ITGA9: variants seen among roughly 807,000 people sequenced by gnomAD.
The protein encoded by ITGA9 is integrin alpha-9.
A neutral mutation model predicts 127.8 loss-of-function variants in ITGA9; 56 were observed. The ratio of observed to expected loss-of-function variants is 0.44; its 90% confidence interval spans 0.35 to 0.55. The LOEUF (loss-of-function observed/expected upper bound fraction) is 0.55, where lower values mean the gene tolerates loss of function less well. Among genes scored for constraint, ITGA9 ranks in the 20% least tolerant of loss-of-function variants. The pLI is 0.00. For synonymous variants in ITGA9, 508 were observed against 514.5 expected, an observed-to-expected ratio of 0.99 and a Z score of 0.17; for missense variants, 1,196 against 1,347.1, an observed-to-expected ratio of 0.89 and a Z score of 1.76.
rs1380954789 is a variant in ITGA9 at position 37,629,542 on chromosome 3, A to C, written c.1839+206A>C. 4.6e-6 allele frequency: 3 copies of C among 656,818 alleles called. No homozygotes were observed. In the African/African-American group the frequency reaches 5.5e-5, roughly 12 times the overall value. The allele number at this position is 656,818 out of a possible 1,614,324, so 40.7% of individuals were successfully genotyped here. On this transcript the variant is annotated intron_variant, in intron 16 of 27. Transcript: ENST00000264741. The surrounding 1 kb of genome is among the most constrained non-coding windows in gnomAD (Gnocchi z 4.5). ...TTACTTGTGACTACTGTGGGACTTA[A>C]ACACTTTCAGACAATTCTCAGGCTG...
At chr3:37,515,938 C>T (rs541735661) in intron 9 of ITGA9, among the ~76,000 whole-genome samples, 1 of 152,226 alleles carries the variant, frequency 6.6e-6, no homozygotes, top group African/African-American at 2.4e-5. Flanking sequence ...GTACCTGTTG[C>T]AGGAACTCTT....
At chr3:37,698,179 A>T (rs1441782359) in intron 18 of ITGA9, among the ~76,000 whole-genome samples, 1 of 151,868 alleles carries the variant, frequency 6.6e-6, no homozygotes, top group Non-Finnish European at 1.5e-5. Flanking sequence ...TTTGGATGGC[A>T]TTGTTTGTTT....
intron 15 of ITGA9, among the ~76,000 whole-genome samples, chr3:37,589,300 C>T (rs539130796): frequency 6.6e-6 from 1 of 152,288 alleles, no homozygotes; most frequent in East Asian, 1.9e-4. Flanking sequence ...TTCACTGATT[C>T]ACCCACTCAA....
At chr3:37,464,116 AGTGTGTGTGTGTGTGTGTGTGTGT>A (rs10603611) in intron 1 of ITGA9, among the ~76,000 whole-genome samples, 1 of 144,170 alleles carries the variant, frequency 6.9e-6, no homozygotes, top group African/African-American at 2.6e-5. Context: ...AGAAGGTGTG[AGTGTGTGTGTGTGTGTGTGTGTGT>A]GTGTGTGTGT....
intron 15 of ITGA9, among the ~76,000 whole-genome samples, chr3:37,612,188 A>G (rs892620508): frequency 8.5e-5 from 13 of 152,214 alleles, no homozygotes; most frequent in Middle Eastern, 3.2e-3. Context: ...TAGTAAGACA[A>G]AAGTTCTTAA....
intron 18 of ITGA9, among the ~76,000 whole-genome samples, chr3:37,688,578 C>T (rs1481455262): frequency 2.6e-5 from 4 of 152,164 alleles, no homozygotes; most frequent in African/African-American, 4.8e-5. Flanking sequence ...GAGAGGCCGT[C>T]CTGAGCCTGG....
rs764479062 is a variant in ITGA9, at chr3:37,733,052, C to T, written c.2154+254C>T. The stretch of plus-strand genomic sequence containing the variant: ...CCCAAATGTGAAAGTGAAGGACACA[C>T]CACAGCCTCTGCACTTTAGCACGTG... On this transcript the variant is annotated intron_variant, in intron 19 of 27. Coordinates refer to ENST00000264741, the MANE Select transcript of ITGA9 (RefSeq NM_002207.3). 2.2e-4 allele frequency: 108 copies of T among 500,134 alleles called. 1 individual carries two copies. The highest frequency in any genetic ancestry group is 3.4e-4 in the Non-Finnish European group (92 of 272,738). The allele number at this position is 500,134 out of a possible 1,614,324, so 31.0% of individuals were successfully genotyped here. A position where few individuals can be genotyped will look rare whatever the true frequency, so the allele number is the denominator to read the frequency against.
At chr3:37,748,738 ACT>A (rs1285262582) in intron 22 of ITGA9, 1 of 595,940 alleles carries the variant, frequency 1.7e-6, no homozygotes, top group Non-Finnish European at 3.0e-6. Flanking sequence ...ACAGAGCAAG[ACT>A]CTGTCTTAAA....
At chr3:37,705,872 C>T (rs528027240) in intron 18 of ITGA9, among the ~76,000 whole-genome samples, 74 of 152,312 alleles carry the variant, frequency 4.9e-4, no homozygotes, top group African/African-American at 1.5e-3. Flanking sequence ...TGGCCCACCC[C>T]GAGCAAACCC....
intron 1 of ITGA9, among the ~76,000 whole-genome samples, chr3:37,467,509 G>A (rs1231616376): frequency 6.6e-6 from 1 of 152,178 alleles, no homozygotes; most frequent in East Asian, 1.9e-4. Flanking sequence ...CTATGAATCT[G>A]TGTCTGTGAA....
intron 25 of ITGA9, among the ~76,000 whole-genome samples, chr3:37,783,656 C>G (rs545561283): frequency 4.6e-5 from 7 of 152,198 alleles, no homozygotes; most frequent in Non-Finnish European, 7.4e-5. Flanking sequence ...TATTATTATT[C>G]AAGATTGAAA....
intron 27 of ITGA9, among the ~76,000 whole-genome samples, chr3:37,810,559 G>A (rs1697354934): frequency 6.6e-6 from 1 of 152,136 alleles, no homozygotes; most frequent in South Asian, 2.1e-4. Context: ...AGGATTATAG[G>A]TGTGCGCCAC....
chr3:37,736,783 C>A lies in ITGA9; in HGVS notation c.2155-121C>A, dbSNP rs1015553280. Reference sequence around the variant, plus strand: ...TTGGCCTGACAGTCAGAAAGCTATACATAAAACTAAAGCTTATCATGCAAA... The same window carrying A: ...TTGGCCTGACAGTCAGAAAGCTATAAATAAAACTAAAGCTTATCATGCAAA... On this transcript the variant is annotated intron_variant, in intron 19 of 27. Transcript: ENST00000264741. 4.0e-6 allele frequency: 3 copies of A among 744,536 alleles called. No homozygotes were observed. The African/African-American group carries it at 5.2e-5, about 13-fold the overall frequency. 46.1% of individuals were successfully genotyped at this position (744,536 alleles called of 1,614,324 possible). A position where few individuals can be genotyped will look rare whatever the true frequency, so the allele number is the denominator to read the frequency against.
At chr3:37,737,999 T>C (rs1360365604) in intron 20 of ITGA9, among the ~76,000 whole-genome samples, 2 of 152,230 alleles carry the variant, frequency 1.3e-5, no homozygotes, top group African/African-American at 4.8e-5. Flanking sequence ...AACTGTAGTA[T>C]AGTTATCACA....
At chr3:37,650,202 C>T (rs989418068) in intron 16 of ITGA9, among the ~76,000 whole-genome samples, 2 of 152,148 alleles carry the variant, frequency 1.3e-5, no homozygotes, top group Non-Finnish European at 2.9e-5. Context: ...CTTTTTATGA[C>T]CTAGTCTCAG....
intron 13 of ITGA9, among the ~76,000 whole-genome samples, chr3:37,528,898 T>C (rs9834781): frequency 0.051 from 7,778 of 152,300 alleles, 498 homozygotes; most frequent in African/African-American, 0.16. Flanking sequence ...AGAGTTTCCT[T>C]GTGCCTCTGG....
intron 8 of ITGA9, among the ~76,000 whole-genome samples, chr3:37,513,272 A>G (rs1184797525): frequency 6.6e-6 from 1 of 152,090 alleles, no homozygotes; most frequent in Admixed American, 6.6e-5. Flanking sequence ...CTTCCCCTTG[A>G]TAGGACTCCA....
chr3:37,469,644 AC>A (rs1698407670), intron 1 of ITGA9, among the ~76,000 whole-genome samples: 1 of 151,874 alleles, frequency 6.6e-6, no homozygotes, highest in Non-Finnish European at 1.5e-5. Context: ...GTTAAATTTC[AC>A]CTGCTTTTGA....
At chr3:37,575,263 C>T (rs1309798170) in intron 15 of ITGA9, among the ~76,000 whole-genome samples, 1 of 152,116 alleles carries the variant, frequency 6.6e-6, no homozygotes, top group Non-Finnish European at 1.5e-5. Flanking sequence ...CAGAGTGCCG[C>T]AAGGAGGAGG....
Sources: allele counts gnomAD v4.1 joint callset (sites outside exome capture counted in the v4.1 genomes callset), GRCh38; gene constraint gnomAD v4.1.1; non-coding constraint Gnocchi (gnomAD v3.1); transcripts MANE v1.5; gene names NCBI Gene and HGNC (gene_info 2026-07-23, HGNC 2026-07-21).